Variants in MAGI1 observed in about 807,000 individuals in gnomAD.
The protein encoded by MAGI1 is membrane-associated guanylate kinase, WW and PDZ domain-containing protein 1.
Under a neutral mutation model 139.9 loss-of-function variants are expected in MAGI1, and 58 were observed. The ratio of observed to expected loss-of-function variants is 0.41; its 90% CI spans 0.34 to 0.52. The LOEUF is 0.52. Among genes scored for constraint, MAGI1 ranks in the 20% least tolerant of loss-of-function variants. MAGI1 has a pLI of 0.12. For synonymous variants in MAGI1, 812 were observed against 737.9 expected (o/e 1.10, Z -1.63); for missense variants, 1,874 against 1,901.6 (o/e 0.99, Z 0.27).
chr3:65,883,917 A>C (rs264711), intron 1 of MAGI1, among the ~76,000 whole-genome samples: 41,898 of 152,078 alleles, frequency 0.28, 7,121 homozygotes, highest in African/African-American at 0.47. Flanking sequence ...TAAACTTTTC[A>C]GTCTTAATTC....
At chr3:65,930,534 C>T (rs572924035) in intron 1 of MAGI1, among the ~76,000 whole-genome samples, 2 of 152,062 alleles carry the variant, frequency 1.3e-5, no homozygotes, top group African/African-American at 4.8e-5. Flanking sequence ...GTGTTTGAAC[C>T]ACAGCAACTC....
At chr3:65,850,049 G>A (rs2059150610) in intron 1 of MAGI1, among the ~76,000 whole-genome samples, 1 of 151,926 alleles carries the variant, frequency 6.6e-6, no homozygotes, top group African/African-American at 2.4e-5. Context: ...ATGATCTAGG[G>A]TCATACCCTA....
intron 1 of MAGI1, among the ~76,000 whole-genome samples, chr3:65,711,237 G>T (rs1055800076): frequency 3.9e-5 from 6 of 152,156 alleles, no homozygotes; most frequent in African/African-American, 1.4e-4. Flanking sequence ...ATAATTACTA[G>T]TAAGAAACAA....
At position 65,576,237 on chromosome 3, in the gene MAGI1, A is replaced by G. The variant is rs148243714; in HGVS notation, c.430+45735T>C. Among the ~76,000 whole-genome samples the G allele has an allele frequency of 1.2e-3, 176 of 152,336 alleles. 1 individual carries two copies. Among genetic ancestry groups the G allele is most frequent in the African/African-American group, 4.0e-3 (165 of 41,574 alleles). ...TTTCTAAATATCTAATTAATCAAGT[A>G]ACACGTATTAATAACCTGTTTGATA... On this transcript the variant is annotated intron_variant, in intron 2 of 22. Transcript: ENST00000402939.
At chr3:65,921,442 G>A (rs1054431341) in intron 1 of MAGI1, among the ~76,000 whole-genome samples, 1 of 151,788 alleles carries the variant, frequency 6.6e-6, no homozygotes, top group African/African-American at 2.4e-5. Flanking sequence ...CCGAGTAGCT[G>A]GGACTACAGA....
chr3:65,448,181 C>T, intron 6 of MAGI1, 124 bp from the exon 7 acceptor site: 1 of 859,982 alleles, frequency 1.2e-6, no homozygotes, highest in East Asian at 2.4e-5. Context: ...TTCATCCTTA[C>T]CTGCATTGTG....
intron 1 of MAGI1, among the ~76,000 whole-genome samples, chr3:65,735,503 T>C (rs2034647291): frequency 6.6e-6 from 1 of 152,082 alleles, no homozygotes; most frequent in African/African-American, 2.4e-5. Context: ...TGATCTATCA[T>C]GTAATATTGT....
intron 18 of MAGI1, among the ~76,000 whole-genome samples, chr3:65,369,841 C>T (rs900071363): frequency 3.3e-5 from 5 of 152,206 alleles, no homozygotes; most frequent in Admixed American, 6.5e-5. Flanking sequence ...AGCTTAGAAA[C>T]CACTCTGAGT....
In MAGI1 at chr3:65,361,056, G is replaced by A. The variant is rs867408522; in HGVS notation, c.3634+143C>T. 131 of 1,545,558 alleles carry A rather than the reference G, an allele frequency of 8.5e-5. No individual in the cohort carries two copies. The African/African-American group carries it at 1.1e-3, about 13-fold the overall frequency. On this transcript the variant is annotated intron_variant, in intron 22 of 22. Transcript: ENST00000402939. ...AATGTGTAGAGATTTCAGAACAAGC[G>A]AGGCAAATAATCACATGGTGCGAGA... is the stretch of plus-strand genomic sequence containing the variant.
intron 1 of MAGI1, among the ~76,000 whole-genome samples, chr3:65,891,158 C>CGCCA (rs573660816): frequency 1.2e-3 from 182 of 150,788 alleles, no homozygotes; most frequent in African/African-American, 4.2e-3. Context: ...GGATGCAGTG[C>CGCCA]GCCATTACAC....
intron 1 of MAGI1, among the ~76,000 whole-genome samples, chr3:65,764,063 C>T (rs543254889): frequency 1.4e-5 from 2 of 147,568 alleles, no homozygotes; most frequent in Non-Finnish European, 3.0e-5. Context: ...CAGAACAAGA[C>T]CCTGTCTCAA....
chr3:65,678,506 G>A (rs1180371778), intron 1 of MAGI1, among the ~76,000 whole-genome samples: 1 of 152,108 alleles, frequency 6.6e-6, no homozygotes, highest in African/African-American at 2.4e-5. Flanking sequence ...AACATAATGG[G>A]ATTAAGGGAA....
intron 1 of MAGI1, among the ~76,000 whole-genome samples, chr3:65,936,963 GTGGTGGTGA>G (rs1201796596): frequency 1.3e-5 from 2 of 149,138 alleles, no homozygotes; most frequent in South Asian, 4.3e-4. Context: ...GATGGTGGTG[GTGGTGGTGA>G]TGGTGGTGGT....
At chr3:65,882,899 C>T (rs2060388173) in intron 1 of MAGI1, among the ~76,000 whole-genome samples, 1 of 134,710 alleles carries the variant, frequency 7.4e-6, no homozygotes, top group African/African-American at 2.8e-5. Flanking sequence ...CACGCAACTG[C>T]ATTTCAGCCT....
intron 1 of MAGI1, among the ~76,000 whole-genome samples, chr3:65,919,676 TC>T (rs2062078178): frequency 1.2e-5 from 1 of 84,878 alleles, no homozygotes; most frequent in African/African-American, 7.3e-5. Context: ...TCATTCTCTC[TC>T]CTTCTCTCTC....
In MAGI1 at chr3:65,904,715, T is replaced by C. The variant is rs113744411; in HGVS notation, c.313+133281A>G. Among the ~76,000 whole-genome samples, 1,422 of 152,330 alleles carry C rather than the reference T, an allele frequency of 9.3e-3. 10 individuals are homozygous for C. Among genetic ancestry groups the C allele is most frequent in the Non-Finnish European group, 0.015 (999 of 68,026 alleles). ...CCCACCATTCAGTTCACAAGTATCA[T>C]TGACAAAATAGTGAAGAGTTTAATT... is the stretch of plus-strand genomic sequence containing the variant. On this transcript the variant is annotated intron_variant, in intron 1 of 22. Transcript: ENST00000402939.
chr3:65,715,992 T>C (rs981138721), intron 1 of MAGI1, among the ~76,000 whole-genome samples: 1 of 152,214 alleles, frequency 6.6e-6, no homozygotes, highest in Non-Finnish European at 1.5e-5. Context: ...AAAAAGTTTG[T>C]GTTACAATCA....
At chr3:65,824,783 A>G (rs955979611) in intron 1 of MAGI1, among the ~76,000 whole-genome samples, 1 of 152,210 alleles carries the variant, frequency 6.6e-6, no homozygotes. Context: ...TTTCTTGCCT[A>G]CCAATAATTT....
At chr3:65,924,041 T>C (rs924207422) in intron 1 of MAGI1, among the ~76,000 whole-genome samples, 1 of 152,126 alleles carries the variant, frequency 6.6e-6, no homozygotes, top group Non-Finnish European at 1.5e-5. Flanking sequence ...CATTATTTCA[T>C]CTCTTGGGTA....
Sources: gnomAD v4.1 joint callset for allele counts (sites outside exome capture counted in the v4.1 genomes callset) on GRCh38, gnomAD v4.1.1 for gene constraint, MANE v1.5 for transcripts, NCBI Gene and HGNC (gene_info 2026-07-23, HGNC 2026-07-21) for gene names.